The following ABHD12B variants were observed in gnomAD, a reference collection of about 807,000 sequenced individuals.
ABHD12B encodes abhydrolase domain containing 12B.
ABHD12B carries 42 observed loss-of-function variants against 50.4 expected under a neutral mutation model. That is an observed-to-expected ratio of 0.83 (90% CI 0.65 to 1.08). ABHD12B has a LOEUF of 1.08. ABHD12B is among the 50% of genes least tolerant of loss of function. ABHD12B has a pLI of 0.00. For missense variants in ABHD12B, 479 were observed against 447.7 expected (o/e 1.07, Z -0.63); for synonymous variants, 167 against 160.3 (o/e 1.04, Z -0.32).
At chr14:50,904,276 T>C in intron 12 of ABHD12B, 63 bp from the exon 13 acceptor site, 1 of 1,613,896 alleles carries the variant, frequency 6.2e-7, no homozygotes, top group Non-Finnish European at 8.5e-7. Context: ...CATGAAAATG[T>C]ATAATATTTT....
chr14:50,901,777 G>A (rs17123103), intron 9 of ABHD12B, 52 bp from the exon 10 acceptor site: 245,170 of 1,205,176 alleles, frequency 0.2, 27,730 homozygotes, highest in East Asian at 0.44. Flanking sequence ...CTATATAACA[G>A]ATGGCATAGC....
intron 9 of ABHD12B, among the ~76,000 whole-genome samples, chr14:50,893,912 C>G (rs140316024): frequency 6.6e-6 from 1 of 152,234 alleles, no homozygotes; most frequent in African/African-American, 2.4e-5. Flanking sequence ...ACGTTTTATC[C>G]GTGGACCCAA....
intron 11 of ABHD12B, 64 bp downstream of exon 11, chr14:50,903,531 G>C: frequency 7.1e-7 from 1 of 1,411,568 alleles, no homozygotes; most frequent in Non-Finnish European, 9.8e-7. Flanking sequence ...TTTTCATTCA[G>C]CCAAACTTTG....
chr14:50,890,365 C>T (rs1473494572), intron 9 of ABHD12B, among the ~76,000 whole-genome samples: 1 of 152,118 alleles, frequency 6.6e-6, no homozygotes, highest in Non-Finnish European at 1.5e-5. Flanking sequence ...ATGAGCATCA[C>T]CCACACTCTA....
intron 10 of ABHD12B, among the ~76,000 whole-genome samples, chr14:50,902,326 A>T (rs983441537): frequency 3.3e-5 from 5 of 152,076 alleles, no homozygotes; most frequent in Non-Finnish European, 5.9e-5. Flanking sequence ...CTACCAAAAA[A>T]TTTTAAAATT....
At position 50,881,045 on chromosome 14, in the gene ABHD12B, T is replaced by G. The variant is rs563091830; in HGVS notation, c.455+474T>G. 1.4e-4 allele frequency among the ~76,000 whole-genome samples: 21 copies of G among 152,308 alleles called. 1 individual carries two copies. Among genetic ancestry groups the G allele is most frequent in the African/African-American group, 5.1e-4 (21 of 41,566 alleles). ...GGTCACACGGAATTCTGACCACAGG[T>G]ACTGGGGACCGTCTGACTAATTCTA... On this transcript the variant is annotated intron_variant, in intron 4 of 12. Coordinates refer to ENST00000337334, the MANE Select transcript of ABHD12B (RefSeq NM_001206673.2).
intron 1 of ABHD12B, among the ~76,000 whole-genome samples, chr14:50,876,115 C>A (rs2049860650): frequency 6.6e-6 from 1 of 152,174 alleles, no homozygotes; most frequent in South Asian, 2.1e-4. Flanking sequence ...AAAATCAGAA[C>A]AACAATGTCC....
chr14:50,882,973 C>CAAAAAAAAA (rs10648046), intron 5 of ABHD12B, among the ~76,000 whole-genome samples: 2 of 112,902 alleles, frequency 1.8e-5, no homozygotes, highest in African/African-American at 3.4e-5. Context: ...GACCCTGACT[C>CAAAAAAAAA]AAAAAAAAAA....
rs1435902361 is a variant in ABHD12B at position 50,888,869 on chromosome 14, T to A, written c.746T>A (p.Met249Lys). The A allele has an allele frequency of 6.2e-7, 1 of 1,614,136 alleles. No homozygotes were observed. Among genetic ancestry groups the A allele is most frequent in the East Asian group, 2.2e-5 (1 of 44,868 alleles). Residue 249 changes from methionine to lysine, a missense_variant, in exon 9 of 13, where the codon ATG (methionine) becomes AAG (lysine). By Grantham distance (95) the Met-to-Lys change is moderately conservative (BLOSUM62 -1). Transcript: ENST00000337334. The part of the protein sequence containing the change: ...AIVLEAPFTN[M>K]WVASINYPLL... ...GTCTTGGAAGCTCCATTTACCAACA[T>A]GTGGGTTGCAAGTATCAATTATCCC...
chr14:50,894,626 C>T (rs1341287301), intron 9 of ABHD12B, among the ~76,000 whole-genome samples: 2 of 152,086 alleles, frequency 1.3e-5, no homozygotes, highest in Non-Finnish European at 2.9e-5. Flanking sequence ...TTGAATTTTT[C>T]CATCCTGCAA....
intron 1 of ABHD12B, among the ~76,000 whole-genome samples, chr14:50,877,067 G>A (rs551049516): frequency 6.6e-6 from 1 of 152,214 alleles, no homozygotes; most frequent in East Asian, 1.9e-4. Flanking sequence ...CTCCTGATTG[G>A]GTGGTTTGTG....
chr14:50,880,519 C>G lies in ABHD12B; in HGVS notation c.403C>G (p.Leu135Val). ...GGACTGTTGCTGGTATGAAGCAGCC[C>G]TTCGTGATGGGAACCCAATTATTGT... ...GKDCCWYEAA[L>V]RDGNPIIVYL... The change falls in exon 4 of 13, where the codon CTT becomes GTT. Residue 135 changes from leucine to valine, a missense_variant. By Grantham distance (32) the Leu-to-Val change is conservative (BLOSUM62 1). Transcript: ENST00000337334. 1.9e-6 allele frequency: 3 copies of G among 1,608,640 alleles called. No homozygotes were observed. The highest frequency in any genetic ancestry group is 2.5e-6 in the Non-Finnish European group (3 of 1,177,086).
At chr14:50,896,720 T>C (rs763028627) in intron 9 of ABHD12B, among the ~76,000 whole-genome samples, 2 of 152,014 alleles carry the variant, frequency 1.3e-5, no homozygotes, top group Non-Finnish European at 2.9e-5. Context: ...CCTTTGACTG[T>C]AATTTTCCAT....
At chr14:50,897,114 CCAGACTGGAGTGCAGTGGCGTGATCT>C (rs2050210043) in intron 9 of ABHD12B, among the ~76,000 whole-genome samples, 1 of 147,936 alleles carries the variant, frequency 6.8e-6, no homozygotes, top group African/African-American at 2.5e-5. Context: ...CTCTTGTCAC[CCAGACTGGAGTGCAGTGGCGTGATCT>C]CAGCTCATGG....
At chr14:50,885,114 G>A (rs530946698) in intron 5 of ABHD12B, among the ~76,000 whole-genome samples, 11 of 152,286 alleles carry the variant, frequency 7.2e-5, no homozygotes, top group African/African-American at 2.6e-4. Context: ...CAGCAGGTAA[G>A]TGGCAGAGCC....
At chr14:50,877,064 T>C (rs1199863575) in intron 1 of ABHD12B, among the ~76,000 whole-genome samples, 5 of 152,096 alleles carry the variant, frequency 3.3e-5, no homozygotes, top group African/African-American at 9.7e-5. Flanking sequence ...CAGCTCCTGA[T>C]TGGGTGGTTT....
chr14:50,903,223 C>T (rs974700877), intron 10 of ABHD12B, among the ~76,000 whole-genome samples, 166 bp from the exon 11 acceptor site: 8 of 151,760 alleles, frequency 5.3e-5, no homozygotes, highest in Middle Eastern at 3.4e-3. Context: ...AAAAAAGCTA[C>T]TATGTGAAAT....
Position 50,880,479 on chromosome 14 carries a change from A to G in ABHD12B, c.363A>G (p.Glu121=). ...IWHTVPSCRG[E]DAKGKDCCWY... is the part of the protein sequence containing the mutation. Reference sequence around the variant, plus strand: ...ACACAGTCCCCAGCTGCCGGGGGGAAGATGCCAAGGGGAAGGACTGTTGCT... The same window carrying G: ...ACACAGTCCCCAGCTGCCGGGGGGAGGATGCCAAGGGGAAGGACTGTTGCT... The change falls in exon 4 of 13, where the codon GAA becomes GAG. Residue 121 remains glutamate (E), a synonymous_variant. Transcript: ENST00000337334. 2 of 1,610,264 alleles carry G rather than the reference A, an allele frequency of 1.2e-6. No homozygotes were observed. Among genetic ancestry groups the G allele is most frequent in the Non-Finnish European group, 8.5e-7 (1 of 1,178,322 alleles).
At chr14:50,903,344 A>G in intron 10 of ABHD12B, 45 bp from the exon 11 acceptor site, 3 of 1,443,148 alleles carry the variant, frequency 2.1e-6, no homozygotes, top group Non-Finnish European at 2.9e-6. Flanking sequence ...AGAAATCTCA[A>G]TGTATCATTC....
Sources: allele counts gnomAD v4.1 joint callset (sites outside exome capture counted in the v4.1 genomes callset), GRCh38; gene constraint gnomAD v4.1.1; transcripts MANE v1.5; gene names NCBI Gene and HGNC (gene_info 2026-07-23, HGNC 2026-07-21).